The following SHROOM3 variants were observed in gnomAD, a reference collection of about 807,000 sequenced individuals.
The protein encoded by SHROOM3 is protein Shroom3.
Under a neutral mutation model 138.6 loss-of-function variants are expected in SHROOM3, and 47 were observed. That is an observed-to-expected ratio of 0.34 (90% confidence interval 0.27 to 0.43). The LOEUF is 0.43. SHROOM3 is among the 20% of genes least tolerant of loss of function. SHROOM3 has a pLI of 1.00. For synonymous variants in SHROOM3, 1,062 were observed against 1,063.3 expected, an observed-to-expected ratio of 1.00 and a Z score of 0.02; for missense variants, 2,491 against 2,596.5, an observed-to-expected ratio of 0.96 and a Z score of 0.88.
intron 7 of SHROOM3, among the ~76,000 whole-genome samples, chr4:76,755,789 GAGT>G (rs1721789109): frequency 6.6e-6 from 1 of 152,226 alleles, no homozygotes; most frequent in African/African-American, 2.4e-5. Context: ...GAGGAATAAA[GAGT>G]AGGGCTCAAG....
chr4:76,583,932 T>C, intron 2 of SHROOM3, among the ~76,000 whole-genome samples: 1 of 152,240 alleles, frequency 6.6e-6, no homozygotes, highest in East Asian at 1.9e-4. Context: ...TCTTTGTAAA[T>C]ATCAATGCTT....
intron 2 of SHROOM3, among the ~76,000 whole-genome samples, chr4:76,678,119 A>T (rs1034913688): frequency 3.3e-5 from 5 of 152,230 alleles, no homozygotes; most frequent in African/African-American, 1.2e-4. Flanking sequence ...GACTGCCAAC[A>T]AAAGTAAACA....
intron 10 of SHROOM3, among the ~76,000 whole-genome samples, chr4:76,776,462 A>G (rs904704000): frequency 2.0e-5 from 3 of 152,042 alleles, no homozygotes; most frequent in Non-Finnish European, 4.4e-5. Context: ...AGTCCTATCT[A>G]TTTATCTTTG....
At chr4:76,603,637 G>T (rs913587734) in intron 2 of SHROOM3, among the ~76,000 whole-genome samples, 14 of 151,496 alleles carry the variant, frequency 9.2e-5, no homozygotes, top group Admixed American at 2.6e-4. Flanking sequence ...CCACATGCAG[G>T]TTTGTTACAT....
intron 2 of SHROOM3, among the ~76,000 whole-genome samples, chr4:76,681,782 T>G (rs912170315): frequency 6.6e-6 from 1 of 152,066 alleles, no homozygotes; most frequent in African/African-American, 2.4e-5. Flanking sequence ...CAGAAACAAT[T>G]TGCCTCTCCT....
chr4:76,530,204 ACTGT>A (rs1393568436), intron 1 of SHROOM3, among the ~76,000 whole-genome samples: 1 of 152,218 alleles, frequency 6.6e-6, no homozygotes, highest in Non-Finnish European at 1.5e-5. Context: ...ATAAATGACT[ACTGT>A]TTCTGCTGTT....
chr4:76,550,239 C>T (rs1733321545), intron 1 of SHROOM3, among the ~76,000 whole-genome samples: 1 of 152,102 alleles, frequency 6.6e-6, no homozygotes, highest in Non-Finnish European at 1.5e-5. Flanking sequence ...TTGATATTTT[C>T]CCAGCCCTAG....
rs35121750 is a variant in SHROOM3, at chr4:76,528,548, C to CT, written c.169-27047dup. Among the ~76,000 whole-genome samples the CT allele has an allele frequency of 1.2e-3, 148 of 125,032 alleles. 3 individuals are homozygous for CT. The highest frequency in any genetic ancestry group is 3.2e-3 in the African/African-American group (102 of 31,984). 82.0% of individuals were successfully genotyped at this position (125,032 alleles called of 152,430 possible). On this transcript the variant is annotated intron_variant, in intron 1 of 10. Coordinates refer to ENST00000296043, the MANE Select transcript of SHROOM3 (RefSeq NM_020859.4). Reference sequence around the variant, plus strand: ...TTCTCTCCTTTATCTTTCTTTCTTTCTTTTTTTTTTTTTTGAGGCAGAGTT... The same window carrying CT: ...TTCTCTCCTTTATCTTTCTTTCTTTCTTTTTTTTTTTTTTTGAGGCAGAGTT...
intron 1 of SHROOM3, among the ~76,000 whole-genome samples, chr4:76,524,404 C>G (rs1364361380): frequency 6.6e-6 from 1 of 152,072 alleles, no homozygotes. Context: ...CAGGCAGGGG[C>G]AGAACCGTGG....
At chr4:76,539,239 C>T (rs77168844) in intron 1 of SHROOM3, among the ~76,000 whole-genome samples, 3,886 of 152,232 alleles carry the variant, frequency 0.026, 162 homozygotes, top group African/African-American at 0.089. Context: ...AGTTCTCTTT[C>T]CTTTCCCTTG....
intron 1 of SHROOM3, among the ~76,000 whole-genome samples, chr4:76,472,190 T>C (rs1170102185): frequency 6.6e-6 from 1 of 152,186 alleles, no homozygotes; most frequent in Non-Finnish European, 1.5e-5. Flanking sequence ...TTGATCAAAA[T>C]GTGTCATACA....
chr4:76,471,237 C>T (rs72657868), intron 1 of SHROOM3, among the ~76,000 whole-genome samples: 7,191 of 151,108 alleles, frequency 0.048, 200 homozygotes, highest in African/African-American at 0.071. Flanking sequence ...GTTTGTTCTT[C>T]CTTTCTTTCT....
intron 2 of SHROOM3, chr4:76,638,820 C>T (rs1046801682): frequency 6.6e-6 from 1 of 152,166 alleles, no homozygotes; most frequent in African/African-American, 2.4e-5. Flanking sequence ...TCTTTTCCTT[C>T]CTCCGATACC....
intron 9 of SHROOM3, among the ~76,000 whole-genome samples, chr4:76,762,723 C>T (rs1416147067): frequency 6.6e-6 from 1 of 152,180 alleles, no homozygotes; most frequent in East Asian, 1.9e-4. Context: ...TGTGCTCTGC[C>T]TTGGGCATAC....
chr4:76,462,759 TC>T (rs1479690975), intron 1 of SHROOM3, among the ~76,000 whole-genome samples: 1 of 147,604 alleles, frequency 6.8e-6, no homozygotes, highest in Non-Finnish European at 1.5e-5. Context: ...CCTCTCCCTC[TC>T]CCTCTCTCCC....
At chr4:76,671,106 C>T (rs998915043) in intron 2 of SHROOM3, among the ~76,000 whole-genome samples, 1 of 152,082 alleles carries the variant, frequency 6.6e-6, no homozygotes, top group African/African-American at 2.4e-5. Context: ...AACATTTGAC[C>T]ACCTACTATG....
intron 1 of SHROOM3, among the ~76,000 whole-genome samples, chr4:76,552,922 T>C (rs1026502793): frequency 6.6e-6 from 1 of 152,206 alleles, no homozygotes; most frequent in Non-Finnish European, 1.5e-5. Flanking sequence ...TCGAGCCTTA[T>C]TTTCCTGTTT....
chr4:76,563,949 C>A (rs1233263326), intron 2 of SHROOM3, among the ~76,000 whole-genome samples: 1 of 152,192 alleles, frequency 6.6e-6, no homozygotes, highest in Non-Finnish European at 1.5e-5. Flanking sequence ...GTGTCCCCAC[C>A]ACGTGCCACA....
intron 2 of SHROOM3, chr4:76,629,009 G>C (rs1735232358): frequency 6.6e-6 from 1 of 152,124 alleles, no homozygotes; most frequent in South Asian, 2.1e-4. Flanking sequence ...ACCCAGCTAA[G>C]TTTTTTCTGT....
Sources: gnomAD v4.1 joint callset for allele counts (sites outside exome capture counted in the v4.1 genomes callset) on GRCh38, gnomAD v4.1.1 for gene constraint, MANE v1.5 for transcripts, NCBI Gene and HGNC (gene_info 2026-07-23, HGNC 2026-07-21) for gene names.